MILR1: variants seen among roughly 807,000 people sequenced by gnomAD.
MILR1 encodes the protein allergin-1.
Under a neutral mutation model 18.5 loss-of-function variants are expected in MILR1, and 31 were observed. The observed-to-expected ratio is 1.68, with a 90% CI of 1.26 to 2.26. The LOEUF is 2.26. Among genes scored for constraint, MILR1 ranks in the 30% most tolerant of loss-of-function variants. The pLI, the probability that MILR1 is intolerant of heterozygous loss-of-function variation, is 0.00. For synonymous variants in MILR1, 85 were observed against 56.2 expected (o/e 1.51, Z -2.30); for missense variants, 257 against 157.4 (o/e 1.63, Z -3.38).
At chr17:64,466,170 A>C (rs1555663150) in intron 6 of MILR1, among the ~76,000 whole-genome samples, 1 of 152,204 alleles carries the variant, frequency 6.6e-6, no homozygotes, top group Admixed American at 6.5e-5. Context: ...AGATCTTGTG[A>C]GAACTAACTC....
rs1411507493 is a variant in MILR1 at position 64,457,458 on chromosome 17, T to C, written c.426T>C (p.His142=). Residue 142 remains histidine, a synonymous_variant, in exon 4 of 10, where the codon CAT becomes CAC. Coordinates refer to ENST00000619286, the MANE Select transcript of MILR1 (RefSeq NM_001085423.2). The part of the protein sequence containing the change: ...IMVIQTETDR[H]ITLHCLSVNG... ...TCATTCAAACAGAAACAGACCGACA[T>C]ATAACATTACATTGCCTCTCAGTCA... 2 of 475,236 alleles carry C rather than the reference T, an allele frequency of 4.2e-6. No homozygotes were observed. The highest frequency in any genetic ancestry group is 7.7e-6 in the Non-Finnish European group (2 of 259,048). 29.4% of individuals were successfully genotyped at this position (475,236 alleles called of 1,614,324 possible). A position where few individuals can be genotyped will look rare whatever the true frequency, so the allele number is the denominator to read the frequency against.
chr17:64,487,332 G>A, the MILR1 span: 2 of 152,200 alleles, frequency 1.3e-5, no homozygotes, highest in South Asian at 2.1e-4. Context: ...AGATAAACTG[G>A]GCTGGGAGCA....
At chr17:64,470,400 A>G (rs2037669765), downstream of MILR1, among the ~76,000 whole-genome samples, 1 of 152,182 alleles carries the variant, frequency 6.6e-6, no homozygotes, top group Non-Finnish European at 1.5e-5. Flanking sequence ...GGCAATATGA[A>G]TGAATGTTTT....
downstream of MILR1, among the ~76,000 whole-genome samples, chr17:64,472,440 T>C (rs375733956): frequency 1.1e-4 from 12 of 109,068 alleles, no homozygotes; most frequent in South Asian, 3.4e-3. Flanking sequence ...CATTCCAGCC[T>C]GGGCGACAGA....
the MILR1 span, chr17:64,491,385 A>T: frequency 1.7e-6 from 1 of 584,112 alleles, no homozygotes; most frequent in South Asian, 2.0e-5. Context: ...ACTTGAGCTT[A>T]GGACTTCGAG....
In MILR1 at chr17:64,452,795, G is replaced by A. The variant is rs2037203263; in HGVS notation, c.296G>A (p.Gly99Asp). ...NLSITEAHES[G>D]PYKCKAQVTS... ...AGCATCACAGAAGCCCATGAATCAG[G>A]CCCCTACAAATGCAAAGCCCAAGTT... is the stretch of plus-strand genomic sequence containing the variant. Residue 99 changes from glycine to aspartate, a missense_variant, in exon 3 of 10, where the codon GGC becomes GAC. Coordinates refer to ENST00000619286, the MANE Select transcript of MILR1 (RefSeq NM_001085423.2). The A allele has an allele frequency of 1.1e-5, 5 of 475,048 alleles. No homozygotes were observed. The highest frequency in any genetic ancestry group is 1.9e-5 in the Non-Finnish European group (5 of 259,014). The allele number at this position is 475,048 out of a possible 1,614,324, so 29.4% of individuals were successfully genotyped here.
the MILR1 span, chr17:64,496,351 A>G: frequency 2.6e-6 from 3 of 1,155,856 alleles, no homozygotes; most frequent in South Asian, 2.9e-5. Flanking sequence ...ATCCAGCAAG[A>G]CTGCCTCGCC....
intron 4 of MILR1, among the ~76,000 whole-genome samples, chr17:64,458,913 G>GA: frequency 6.6e-6 from 1 of 152,280 alleles, no homozygotes; most frequent in East Asian, 1.9e-4. Context: ...TGTTTATGGG[G>GA]GGTGTGGATG....
the MILR1 span, chr17:64,493,100 T>C: frequency 7.0e-7 from 1 of 1,418,864 alleles, no homozygotes; most frequent in South Asian, 1.2e-5. Flanking sequence ...ACATTAATAG[T>C]AGTAATAACG....
chr17:64,489,742 G>A, the MILR1 span, among the ~76,000 whole-genome samples: 1 of 150,182 alleles, frequency 6.7e-6, no homozygotes, highest in Admixed American at 6.6e-5. Context: ...GAGTGATAGA[G>A]TGAGATCCTG....
chr17:64,496,930 G>A, the MILR1 span: 4 of 1,611,178 alleles, frequency 2.5e-6, no homozygotes, highest in Admixed American at 3.3e-5. Context: ...GGCACCTGCA[G>A]ACCTTATGGC....
chr17:64,496,451 T>G, the MILR1 span: 1 of 1,593,788 alleles, frequency 6.3e-7, no homozygotes, highest in South Asian at 1.1e-5. Flanking sequence ...TTTTAATACG[T>G]TCTCAAGAAA....
chr17:64,455,819 C>G, intron 3 of MILR1, among the ~76,000 whole-genome samples: 1 of 151,808 alleles, frequency 6.6e-6, no homozygotes, highest in East Asian at 2.0e-4. Flanking sequence ...GGGGGCAGAT[C>G]ACTTGAGGTC....
chr17:64,462,643 CTT>C (rs1326810820), intron 5 of MILR1, among the ~76,000 whole-genome samples: 13 of 142,374 alleles, frequency 9.1e-5, no homozygotes, highest in Admixed American at 7.1e-5. Context: ...CCCACAATTA[CTT>C]TTTTTTTTTT....
the MILR1 span, among the ~76,000 whole-genome samples, chr17:64,487,857 A>C: frequency 6.6e-6 from 1 of 152,048 alleles, no homozygotes; most frequent in African/African-American, 2.4e-5. Context: ...AACAAAAAAG[A>C]TTGTTTATTG....
At chr17:64,488,998 C>T in the MILR1 span, among the ~76,000 whole-genome samples, 1 of 150,736 alleles carries the variant, frequency 6.6e-6, no homozygotes, top group African/African-American at 2.4e-5. Flanking sequence ...ATATAAACTC[C>T]TATGTTTTTG....
intron 8 of MILR1, among the ~76,000 whole-genome samples, chr17:64,467,090 C>G (rs1005902903): frequency 7.6e-6 from 1 of 130,742 alleles, no homozygotes; most frequent in South Asian, 2.5e-4. Context: ...TTCTTTTTCT[C>G]TTTCTTTTCT....
In MILR1 at chr17:64,455,938, G is replaced by A. The variant is rs895833192; in HGVS notation, c.368-1462G>A. Among the ~76,000 whole-genome samples the A allele has an allele frequency of 2.6e-5, 4 of 152,194 alleles. No individual in the cohort carries two copies. In the East Asian group the frequency reaches 5.9e-4, roughly 22 times the overall value. ...ACCTGTAATCCCCAGCTACTTGGGAGGCTGAGGCAGGAGAATTGCTTGAAC... is the reference window on the plus strand; with the variant it reads ...ACCTGTAATCCCCAGCTACTTGGGAAGCTGAGGCAGGAGAATTGCTTGAAC... On this transcript the variant is annotated intron_variant, in intron 3 of 9. Transcript: ENST00000619286.
At chr17:64,457,862 G>A (rs1171600058) in intron 4 of MILR1, among the ~76,000 whole-genome samples, 178 bp downstream of exon 4, 2 of 152,184 alleles carry the variant, frequency 1.3e-5, no homozygotes, top group African/African-American at 4.8e-5. Flanking sequence ...GCTCACACCT[G>A]TAATCCCAGC....
Sources: allele counts gnomAD v4.1 joint callset (sites outside exome capture counted in the v4.1 genomes callset), GRCh38; gene constraint gnomAD v4.1.1; transcripts MANE v1.5; gene names NCBI Gene and HGNC (gene_info 2026-07-23, HGNC 2026-07-21).